Variants in ARMH3 observed in about 807,000 individuals in gnomAD.
The protein encoded by ARMH3 is armadillo-like helical domain-containing protein 3.
In ARMH3, 60 loss-of-function variants were observed where a neutral mutation model predicts 99.1. That is an observed-to-expected ratio of 0.61 (90% CI 0.49 to 0.75). ARMH3 has a LOEUF of 0.75. ARMH3 is among the 30% of genes least tolerant of loss of function. ARMH3 has a pLI of 0.00. For missense variants in ARMH3, 679 were observed against 843.1 expected (o/e 0.81, Z 2.41); for synonymous variants, 285 against 292.8 (o/e 0.97, Z 0.27).
At chr10:101,874,743 C>T (rs2067219767) in intron 24 of ARMH3, among the ~76,000 whole-genome samples, 2 of 152,266 alleles carry the variant, frequency 1.3e-5, no homozygotes, top group Middle Eastern at 6.8e-3. Context: ...ATGATCATGG[C>T]TCTGCTTGTG....
chr10:101,986,376 G>C (rs531798541), intron 19 of ARMH3, among the ~76,000 whole-genome samples: 30 of 152,190 alleles, frequency 2.0e-4, no homozygotes, highest in African/African-American at 6.7e-4. Flanking sequence ...CAAGAATCAA[G>C]GAGTACAGCT....
chr10:102,046,539 C>T (rs2067557074), intron 1 of ARMH3, among the ~76,000 whole-genome samples: 1 of 152,114 alleles, frequency 6.6e-6, no homozygotes, highest in Non-Finnish European at 1.5e-5. Context: ...GTAATCTCAG[C>T]TACTCGAGAG....
At position 101,990,462 on chromosome 10, in the gene ARMH3, C is replaced by T. The variant is rs143418116; in HGVS notation, c.1406+89G>A. 5,009 of 1,030,240 alleles carry T rather than the reference C, an allele frequency of 4.9e-3. 32 individuals are homozygous for T. The highest frequency in any genetic ancestry group is 0.026 in the Middle Eastern group (97 of 3,716). The allele number at this position is 1,030,240 out of a possible 1,614,324, so 63.8% of individuals were successfully genotyped here. On this transcript the variant is annotated intron_variant, in intron 19 of 25. Coordinates refer to ENST00000370033, the MANE Select transcript of ARMH3 (RefSeq NM_024541.3). ...CTGGTATTACAGGCGTGAGCCATGG[C>T]GCCCGGCCTACACAGACCATGAATT...
At chr10:101,935,125 G>T (rs1167787507) in intron 23 of ARMH3, among the ~76,000 whole-genome samples, 1 of 147,594 alleles carries the variant, frequency 6.8e-6, no homozygotes, top group Admixed American at 6.9e-5. Context: ...ATCTGTGGAA[G>T]CAGCTGAAGC....
In ARMH3 at chr10:101,977,499, T is replaced by C. The variant is rs574502418; in HGVS notation, c.1407-2199A>G. On this transcript the variant is annotated intron_variant, in intron 19 of 25. Coordinates refer to ENST00000370033, the MANE Select transcript of ARMH3 (RefSeq NM_024541.3). ...ATTACATTTGCAACAAATGATATAA[T>C]AGAGTTACTATGTTTAATATATAGA... 5.3e-5 allele frequency among the ~76,000 whole-genome samples: 8 copies of C among 152,328 alleles called. No homozygotes were observed. In the South Asian group the frequency reaches 8.3e-4, roughly 16 times the overall value.
At chr10:101,871,516 T>C (rs949465032) in intron 24 of ARMH3, among the ~76,000 whole-genome samples, 9 of 152,194 alleles carry the variant, frequency 5.9e-5, no homozygotes, top group African/African-American at 2.2e-4. Flanking sequence ...TGCACATACA[T>C]GTTCAATTGA....
intron 22 of ARMH3, among the ~76,000 whole-genome samples, chr10:101,949,082 C>T (rs190817951): frequency 5.3e-5 from 8 of 151,888 alleles, no homozygotes; most frequent in Admixed American, 5.2e-4. Flanking sequence ...GTATGAGCTG[C>T]AACTAAAGCA....
At chr10:102,033,246 G>T (rs751497814) in intron 3 of ARMH3, 37 bp downstream of exon 3, 1 of 1,613,408 alleles carries the variant, frequency 6.2e-7, no homozygotes, top group African/African-American at 1.3e-5. Flanking sequence ...GGCAATTTTA[G>T]TTACCAGGAA....
chr10:101,990,179 C>CTTTTT (rs762793068), intron 19 of ARMH3, among the ~76,000 whole-genome samples: 1 of 134,564 alleles, frequency 7.4e-6, no homozygotes, highest in Non-Finnish European at 1.6e-5. Context: ...CATGAACTTT[C>CTTTTT]TTTTTTTTTT....
intron 8 of ARMH3, among the ~76,000 whole-genome samples, chr10:102,018,137 T>G (rs1452340039): frequency 6.6e-6 from 1 of 152,178 alleles, no homozygotes. Flanking sequence ...CAGGACTCAG[T>G]GCCAAATGCT....
chr10:101,905,149 G>C (rs1024199992), intron 23 of ARMH3, among the ~76,000 whole-genome samples: 1 of 152,086 alleles, frequency 6.6e-6, no homozygotes, highest in South Asian at 2.1e-4. Context: ...AACACAATCA[G>C]AAGCAAAGTC....
intron 22 of ARMH3, among the ~76,000 whole-genome samples, chr10:101,953,038 T>C (rs1347552848): frequency 1.3e-5 from 2 of 152,266 alleles, no homozygotes; most frequent in African/African-American, 4.8e-5. Context: ...ATATACCATA[T>C]TTTGTTTATC....
chr10:102,002,964 T>TAAAC (rs760395070), intron 14 of ARMH3, among the ~76,000 whole-genome samples: 1 of 68,672 alleles, frequency 1.5e-5, no homozygotes, highest in African/African-American at 4.5e-5. Context: ...CTGTCACAAA[T>TAAAC]AAATAAATAA....
chr10:102,050,468 A>T (rs2067673671), intron 1 of ARMH3, among the ~76,000 whole-genome samples: 1 of 152,034 alleles, frequency 6.6e-6, no homozygotes, highest in African/African-American at 2.4e-5. Context: ...AAATAAATAA[A>T]TACATACATA....
intron 19 of ARMH3, among the ~76,000 whole-genome samples, chr10:101,989,074 G>A (rs1016937016): frequency 2.6e-5 from 4 of 152,080 alleles, no homozygotes; most frequent in Non-Finnish European, 4.4e-5. Context: ...AAATCGGAGG[G>A]AGCAATTCTG....
At chr10:101,943,725 C>T (rs536400722) in intron 22 of ARMH3, among the ~76,000 whole-genome samples, 9 of 151,866 alleles carry the variant, frequency 5.9e-5, no homozygotes, top group Admixed American at 4.6e-4. Context: ...AGAAACAGAC[C>T]TAGACGTGAA....
chr10:101,902,231 A>G (rs2067998456), intron 23 of ARMH3, among the ~76,000 whole-genome samples: 1 of 152,218 alleles, frequency 6.6e-6, no homozygotes, highest in Non-Finnish European at 1.5e-5. Flanking sequence ...AGAGACCCAG[A>G]AAGCTTTTAT....
chr10:101,917,951 G>A (rs1843150537), intron 23 of ARMH3, among the ~76,000 whole-genome samples: 1 of 152,078 alleles, frequency 6.6e-6, no homozygotes, highest in Admixed American at 6.5e-5. Context: ...CAGTCGTTTT[G>A]CAGTTCATTT....
At chr10:101,890,317 C>G (rs1174360536) in intron 23 of ARMH3, among the ~76,000 whole-genome samples, 1 of 151,984 alleles carries the variant, frequency 6.6e-6, no homozygotes, top group Non-Finnish European at 1.5e-5. Context: ...AATCATGGCT[C>G]ACTGCATCCT....
Sources: gnomAD v4.1 joint callset for allele counts (sites outside exome capture counted in the v4.1 genomes callset) on GRCh38, gnomAD v4.1.1 for gene constraint, MANE v1.5 for transcripts, NCBI Gene and HGNC (gene_info 2026-07-23, HGNC 2026-07-21) for gene names.